The following SYT1 variants were observed in gnomAD, a reference collection of about 807,000 sequenced individuals.
SYT1 encodes synaptotagmin-1.
SYT1 carries 8 observed loss-of-function variants against 44.8 expected under a neutral mutation model. The observed-to-expected ratio is 0.18, with a 90% confidence interval of 0.10 to 0.32. The LOEUF (loss-of-function observed/expected upper bound fraction) is 0.32. Among genes scored for constraint, SYT1 ranks in the 10% least tolerant of loss-of-function variants. The pLI is 1.00. For missense variants in SYT1, 286 were observed against 509.3 expected, an observed-to-expected ratio of 0.56 and a Z score of 4.22; for synonymous variants, 154 against 188.8, an observed-to-expected ratio of 0.82 and a Z score of 1.51.
intron 4 of SYT1, among the ~76,000 whole-genome samples, chr12:79,267,244 C>T (rs1441877860): frequency 6.6e-6 from 1 of 152,100 alleles, no homozygotes; most frequent in Non-Finnish European, 1.5e-5. Flanking sequence ...TGAATTTAAT[C>T]TCAATAACAT....
At chr12:79,277,512 A>G (rs1391240869) in intron 4 of SYT1, among the ~76,000 whole-genome samples, 1 of 152,180 alleles carries the variant, frequency 6.6e-6, no homozygotes, top group Non-Finnish European at 1.5e-5. Flanking sequence ...AGAAATGCTC[A>G]AAGGAATGGT....
intron 2 of SYT1, among the ~76,000 whole-genome samples, chr12:79,000,324 G>A (rs1002552992): frequency 1.5e-4 from 18 of 122,814 alleles, no homozygotes; most frequent in African/African-American, 5.6e-4. Context: ...ACAGAGTTTC[G>A]CTCTAGTTGC....
chr12:79,112,334 G>T (rs975784279), intron 3 of SYT1, among the ~76,000 whole-genome samples: 1 of 152,084 alleles, frequency 6.6e-6, no homozygotes, highest in African/African-American at 2.4e-5. Flanking sequence ...ATGTGGAGAC[G>T]TGTGGGGCAT....
Position 78,922,370 on chromosome 12 carries a change from T to A in SYT1, c.-216-55429T>A, listed in dbSNP as rs1446975168. ...CGCTTCAACCCTAGGCTTTGCCAGT[T>A]GTTGATTATTCAACTTTGGGCTAAT... On this transcript the variant is annotated intron_variant, in intron 1 of 10. Transcript: ENST00000261205. Among the ~76,000 whole-genome samples the A allele has an allele frequency of 2.0e-5, 3 of 151,918 alleles. No individual in the cohort carries two copies. The East Asian group carries it at 5.8e-4, about 29-fold the overall frequency.
rs533591786 is a variant in SYT1 at position 79,068,098 on chromosome 12, G to A, written c.-18+20736G>A. Among the ~76,000 whole-genome samples the A allele has an allele frequency of 4.6e-5, 7 of 152,198 alleles. No individual in the cohort carries two copies. The South Asian group carries it at 1.4e-3, about 32-fold the overall frequency. On this transcript the variant is annotated intron_variant, in intron 3 of 10. Coordinates refer to ENST00000261205, the MANE Select transcript of SYT1 (RefSeq NM_005639.3). ...TGGGTTGAAGTTGCAAAAAATTCAGGCCAAAAATGAACTTTGAGTAGTTTA... is the reference window on the plus strand; with the variant it reads ...TGGGTTGAAGTTGCAAAAAATTCAGACCAAAAATGAACTTTGAGTAGTTTA...
chr12:78,987,891 A>ATAGAC (rs2137469738), intron 2 of SYT1, among the ~76,000 whole-genome samples: 1 of 152,240 alleles, frequency 6.6e-6, no homozygotes, highest in Admixed American at 6.6e-5. Flanking sequence ...AAAGAATACT[A>ATAGAC]TAGACCAGTA....
At chr12:79,110,640 T>G (rs888168782) in intron 3 of SYT1, among the ~76,000 whole-genome samples, 1 of 152,212 alleles carries the variant, frequency 6.6e-6, no homozygotes, top group Non-Finnish European at 1.5e-5. Flanking sequence ...AAACTTTAAT[T>G]CTTCATATGG....
At chr12:78,923,680 C>T (rs1463659568) in intron 1 of SYT1, among the ~76,000 whole-genome samples, 1 of 151,110 alleles carries the variant, frequency 6.6e-6, no homozygotes, top group Non-Finnish European at 1.5e-5. Context: ...CTCTCTCCAC[C>T]CCCCCTTTCT....
rs144382648 is a variant in SYT1, at chr12:79,138,537, G to A, written c.-17-78966G>A. ...TCTATTCACCTCCTGCCTTTGACCC[G>A]TCAGCTCTGCAACTTTGGGTAAATT... On this transcript the variant is annotated intron_variant, in intron 3 of 10. Transcript: ENST00000261205. Among the ~76,000 whole-genome samples the A allele has an allele frequency of 4.6e-5, 7 of 152,200 alleles. No individual in the cohort carries two copies. In the East Asian group the frequency reaches 9.6e-4, roughly 21 times the overall value.
At chr12:78,902,696 A>G (rs1875730964) in intron 1 of SYT1, among the ~76,000 whole-genome samples, 2 of 152,186 alleles carry the variant, frequency 1.3e-5, no homozygotes, top group South Asian at 4.1e-4. Context: ...CAAATTAAAC[A>G]TAAGAAATTT....
intron 2 of SYT1, among the ~76,000 whole-genome samples, chr12:79,026,295 T>C (rs376878842): frequency 1.3e-5 from 2 of 151,510 alleles, no homozygotes; most frequent in South Asian, 2.1e-4. Flanking sequence ...ACAGTTATTA[T>C]TGCTTCTTGA....
At chr12:78,932,062 G>A (rs532490501) in intron 1 of SYT1, among the ~76,000 whole-genome samples, 2 of 152,162 alleles carry the variant, frequency 1.3e-5, no homozygotes, top group Non-Finnish European at 2.9e-5. Flanking sequence ...TCTGCCACAA[G>A]GTGTGTTTCC....
intron 1 of SYT1, among the ~76,000 whole-genome samples, chr12:78,918,757 G>A (rs1249757985): frequency 2.0e-5 from 3 of 151,944 alleles, no homozygotes; most frequent in East Asian, 1.9e-4. Flanking sequence ...AAAAGGATAC[G>A]TCCTGAATGG....
intron 1 of SYT1, among the ~76,000 whole-genome samples, chr12:78,943,331 A>G (rs1291422698): frequency 6.6e-6 from 1 of 152,290 alleles, no homozygotes; most frequent in Non-Finnish European, 1.5e-5. Flanking sequence ...GCATCTGCAC[A>G]GCTTCTGGGG....
intron 4 of SYT1, among the ~76,000 whole-genome samples, chr12:79,256,941 T>G (rs953465204): frequency 6.6e-6 from 1 of 152,246 alleles, no homozygotes; most frequent in South Asian, 2.1e-4. Flanking sequence ...AGCTTCCTAA[T>G]GTTAACTTCA....
intron 3 of SYT1, among the ~76,000 whole-genome samples, chr12:79,120,632 T>C (rs569276920): frequency 1.3e-5 from 2 of 152,150 alleles, no homozygotes; most frequent in East Asian, 1.9e-4. Flanking sequence ...TTTTCCCTTA[T>C]GTAGATCAGC....
chr12:78,932,752 A>G (rs960981430), intron 1 of SYT1, among the ~76,000 whole-genome samples: 1 of 152,196 alleles, frequency 6.6e-6, no homozygotes, highest in African/African-American at 2.4e-5. Flanking sequence ...GTCAATTTGT[A>G]CCAATAAAAA....
chr12:79,415,843 C>G (rs1376761838), intron 9 of SYT1, among the ~76,000 whole-genome samples: 1 of 152,122 alleles, frequency 6.6e-6, no homozygotes, highest in Non-Finnish European at 1.5e-5. Flanking sequence ...TTAAGGCTTT[C>G]CTTGTAGAAA....
intron 1 of SYT1, among the ~76,000 whole-genome samples, chr12:78,905,254 T>C (rs1021176846): frequency 9.9e-5 from 15 of 152,184 alleles, no homozygotes; most frequent in African/African-American, 1.4e-4. Flanking sequence ...TCCTTCTTAG[T>C]AGAAGTACAG....
Sources: allele counts gnomAD v4.1 joint callset (sites outside exome capture counted in the v4.1 genomes callset), GRCh38; gene constraint gnomAD v4.1.1; transcripts MANE v1.5; gene names NCBI Gene and HGNC (gene_info 2026-07-23, HGNC 2026-07-21).